The following SP140 variants were observed in gnomAD, a reference collection of about 807,000 sequenced individuals.
SP140 encodes SP140 nuclear body protein, also known as nuclear body protein SP140.
SP140 carries 81 observed loss-of-function variants against 125.0 expected under a neutral mutation model. That is an observed-to-expected ratio of 0.65 (90% CI 0.54 to 0.78). The LOEUF is 0.78. Ranked by LOEUF, SP140 falls within the 30% of genes least tolerant of loss-of-function variation. The pLI, the probability that SP140 is intolerant of heterozygous loss-of-function variation, is 0.00. For synonymous variants in SP140, 312 were observed against 354.0 expected (o/e 0.88, Z 1.33); for missense variants, 858 against 1,037.0 (o/e 0.83, Z 2.37).
chr2:230,196,947 G>A, the SP140 span, among the ~76,000 whole-genome samples: 1 of 152,108 alleles, frequency 6.6e-6, no homozygotes, highest in Non-Finnish European at 1.5e-5. Context: ...TATCGTTGTT[G>A]GACATTTGGG....
At chr2:230,227,141 G>A (rs1369559159) in intron 1 of SP140, among the ~76,000 whole-genome samples, 1 of 152,190 alleles carries the variant, frequency 6.6e-6, no homozygotes, top group Middle Eastern at 3.2e-3. Context: ...AAATGAAAAT[G>A]TGTGGAATGT....
intron 8 of SP140, among the ~76,000 whole-genome samples, chr2:230,248,459 A>C (rs2049835547): frequency 6.6e-6 from 1 of 152,138 alleles, no homozygotes; most frequent in Non-Finnish European, 1.5e-5. Context: ...GATCAATGTA[A>C]GGCTTTAAGG....
chr2:230,261,152 C>G (rs1302138825), intron 12 of SP140, among the ~76,000 whole-genome samples: 4 of 152,042 alleles, frequency 2.6e-5, no homozygotes, highest in Non-Finnish European at 4.4e-5. Flanking sequence ...AGAGGTCTTT[C>G]GACTCCCTGG....
upstream of SP140, among the ~76,000 whole-genome samples, chr2:230,223,609 C>T (rs1416811323): frequency 6.6e-6 from 1 of 152,144 alleles, no homozygotes; most frequent in African/African-American, 2.4e-5. Flanking sequence ...AAGAGATATT[C>T]AAGGAAATAT....
intron 15 of SP140, among the ~76,000 whole-genome samples, chr2:230,271,635 G>A (rs984264902): frequency 6.6e-6 from 1 of 152,188 alleles, no homozygotes; most frequent in African/African-American, 2.4e-5. Flanking sequence ...CAAACACAGT[G>A]ATCATGGTGT....
chr2:230,285,834 T>C lies in SP140; in HGVS notation c.1645+2T>C, dbSNP rs2056309254. 3.7e-6 allele frequency: 6 copies of C among 1,608,632 alleles called. No homozygotes were observed. The highest frequency in any genetic ancestry group is 1.1e-5 in the South Asian group (1 of 90,950). On this transcript the variant is annotated splice_donor_variant, in intron 17 of 26. Transcript: ENST00000392045. LOFTEE classifies it high-confidence loss of function. The stretch of plus-strand genomic sequence containing the variant: ...TGAAAGACCTTTCCAAGATTAGGGG[T>C]AAGATAAAGTTTGTCCGCTTTCCCT...
In SP140 at chr2:230,292,632, C is replaced by T. The variant is rs2149489803; in HGVS notation, c.1826-14C>T. On this transcript the variant is annotated splice_polypyrimidine_tract_variant and intron_variant, in intron 19 of 26. Coordinates refer to ENST00000392045, the MANE Select transcript of SP140 (RefSeq NM_007237.5). ...AAAAAGAGGGCTCAGGATCAAGTTA[C>T]CCTGGTCTTACAGGAATCTTGGTGA... 6.2e-7 allele frequency: 1 copy of T among 1,614,060 alleles called. No individual in the cohort carries two copies. Among genetic ancestry groups the T allele is most frequent in the Non-Finnish European group, 8.5e-7 (1 of 1,179,970 alleles).
intron 15 of SP140, among the ~76,000 whole-genome samples, chr2:230,274,335 G>A (rs1342648614): frequency 6.6e-6 from 1 of 152,134 alleles, no homozygotes; most frequent in Admixed American, 6.6e-5. Flanking sequence ...ATTAAGTTAA[G>A]GATCTTGAGA....
intron 20 of SP140, 99 bp from the exon 21 acceptor site, chr2:230,294,172 G>T: frequency 1.1e-6 from 1 of 913,188 alleles, no homozygotes; most frequent in South Asian, 1.4e-5. Context: ...GCTGGCAGTG[G>T]AACACTCAGG....
upstream of SP140, chr2:230,202,514 C>T (rs934781484): frequency 3.4e-5 from 52 of 1,511,734 alleles, no homozygotes; most frequent in Admixed American, 3.4e-4. Context: ...TAACTCTGTA[C>T]CTGCTTCAGG....
chr2:230,214,328 A>G (rs949357569), intron 3 of SP140, among the ~76,000 whole-genome samples: 2 of 151,972 alleles, frequency 1.3e-5, no homozygotes, highest in African/African-American at 2.4e-5. Flanking sequence ...TGGCTTTACA[A>G]TCTGCCTTCC....
At chr2:230,250,366 T>C (rs1261359268) in intron 9 of SP140, among the ~76,000 whole-genome samples, 1 of 152,134 alleles carries the variant, frequency 6.6e-6, no homozygotes, top group East Asian at 1.9e-4. Flanking sequence ...ATCTGTCCCA[T>C]CTCTACTAAT....
intron 5 of SP140, among the ~76,000 whole-genome samples, chr2:230,244,211 T>G: frequency 6.6e-6 from 1 of 152,232 alleles, no homozygotes; most frequent in East Asian, 1.9e-4. Context: ...GTTACTATCT[T>G]ATCTAGTTAT....
At chr2:230,293,326 A>G (rs753426457) in intron 20 of SP140, among the ~76,000 whole-genome samples, 5 of 152,148 alleles carry the variant, frequency 3.3e-5, no homozygotes, top group Non-Finnish European at 7.4e-5. Context: ...GACATTTAAA[A>G]CAATATTTTA....
At chr2:230,187,926 G>A in the SP140 span, among the ~76,000 whole-genome samples, 3 of 152,270 alleles carry the variant, frequency 2.0e-5, no homozygotes, top group African/African-American at 4.8e-5. Flanking sequence ...CTGGTAATGT[G>A]ATGCCTCCAG....
chr2:230,218,899 TA>T (rs5839364), intron 3 of SP140, among the ~76,000 whole-genome samples: 151,547 of 152,360 alleles, frequency 0.99, 75,371 homozygotes, highest in Middle Eastern at 1. Context: ...GTGCAATGAA[TA>T]ATACGATAAG....
chr2:230,297,686 G>A (rs1339365776), intron 22 of SP140, among the ~76,000 whole-genome samples: 1 of 152,192 alleles, frequency 6.6e-6, no homozygotes, highest in Admixed American at 6.5e-5. Context: ...ACCTTCCAAT[G>A]TCCTTATTTC....
intron 3 of SP140, 52 bp downstream of exon 3, chr2:230,238,433 GATTC>G: frequency 6.7e-7 from 1 of 1,501,824 alleles, no homozygotes; most frequent in Non-Finnish European, 9.1e-7. Context: ...TTCATTCATT[GATTC>G]ATTCATTCAC....
chr2:230,296,709 G>A (rs574500441), intron 21 of SP140, among the ~76,000 whole-genome samples: 6 of 152,302 alleles, frequency 3.9e-5, no homozygotes, highest in African/African-American at 1.4e-4. Flanking sequence ...GTCCCAGGAG[G>A]CTGTGGGAGA....
Sources: allele counts gnomAD v4.1 joint callset (sites outside exome capture counted in the v4.1 genomes callset), GRCh38; gene constraint gnomAD v4.1.1; transcripts MANE v1.5; gene names NCBI Gene and HGNC (gene_info 2026-07-23, HGNC 2026-07-21).